MGST1: variants seen among roughly 807,000 people sequenced by gnomAD.
The protein encoded by MGST1 is microsomal glutathione S-transferase 1, also known as glutathione S-transferase 12.
A neutral mutation model predicts 8.9 loss-of-function variants in MGST1; 5 were observed. The observed-to-expected ratio is 0.56, with a 90% CI of 0.29 to 1.19. The LOEUF (loss-of-function observed/expected upper bound fraction) is 1.19. Ranked by LOEUF, MGST1 falls within the 50% of genes most tolerant of loss-of-function variation. The pLI is 0.08. For missense variants in MGST1, 182 were observed against 187.4 expected (o/e 0.97, Z 0.17); for synonymous variants, 54 against 67.8 (o/e 0.80, Z 1.00).
intron 4 of MGST1, among the ~76,000 whole-genome samples, chr12:16,519,101 G>A (rs1190078449): frequency 2.0e-5 from 3 of 152,150 alleles, no homozygotes; most frequent in Admixed American, 6.5e-5. Flanking sequence ...TTTGCATTCC[G>A]CTTTATTGCT....
rs1245796351 is a variant in MGST1 at position 16,389,816 on chromosome 12, A to G, written n.778+6212A>G. Among the ~76,000 whole-genome samples, 2 of 152,190 alleles carry G rather than the reference A, an allele frequency of 1.3e-5. No homozygotes were observed. The highest frequency in any genetic ancestry group is 2.9e-5 in the Non-Finnish European group (2 of 68,036). ...GGAGTGAGGCATGAGATCTCTCGGT[A>G]GAGGCAAAATAGAGTGATGAGAGCC... On this transcript the variant is annotated intron_variant and non_coding_transcript_variant, in intron 1 of 1. Coordinates refer to the MGST1 transcript ENST00000359720. This position sits in a 1 kb window ranked among gnomAD's most constrained non-coding sequence, Gnocchi z 4.6.
At chr12:16,394,499 TC>T (rs1940583601) in intron 1 of MGST1, among the ~76,000 whole-genome samples, 1 of 138,024 alleles carries the variant, frequency 7.2e-6, no homozygotes, top group Non-Finnish European at 1.5e-5. Flanking sequence ...TCTTTCTTTC[TC>T]TCTCTTTCTC....
chr12:16,351,274 AC>A (rs1211700974), intron 1 of MGST1, among the ~76,000 whole-genome samples: 2 of 152,146 alleles, frequency 1.3e-5, no homozygotes, highest in Admixed American at 1.3e-4. Flanking sequence ...TACTTTACCT[AC>A]ACTCTGAAGG....
downstream of MGST1, chr12:16,367,600 T>A (rs1177853581): frequency 6.6e-6 from 1 of 152,248 alleles, no homozygotes; most frequent in Non-Finnish European, 1.5e-5. Flanking sequence ...TGCTGTATGT[T>A]GGCTTGTGTG....
chr12:16,573,012 T>C lies in MGST1; in HGVS notation n.483-16516T>C, dbSNP rs372762810. Among the ~76,000 whole-genome samples the C allele has an allele frequency of 2.6e-5, 4 of 152,052 alleles. No individual in the cohort carries two copies. In the East Asian group the frequency reaches 7.7e-4, roughly 29 times the overall value. ...AGATTTTTTTAAAGGAGTGCAATTC[T>C]TAAAATTTTCCTGTTTTTATTATGT... On this transcript the variant is annotated intron_variant and non_coding_transcript_variant, in intron 4 of 4. Coordinates refer to the MGST1 transcript ENST00000538857.
At position 16,500,477 on chromosome 12, in the gene MGST1, C is replaced by T. The variant is rs942901232; in HGVS notation, n.483-89051C>T. Reference sequence around the variant, plus strand: ...AGATATTTAGATTACATTACATTTACAGTTTTATTTCATTTTGTAAAGTTT... The same window carrying T: ...AGATATTTAGATTACATTACATTTATAGTTTTATTTCATTTTGTAAAGTTT... On this transcript the variant is annotated intron_variant and non_coding_transcript_variant, in intron 4 of 4. Coordinates refer to the MGST1 transcript ENST00000538857. The surrounding 1 kb of genome is among the most constrained non-coding windows in gnomAD (Gnocchi z 4.3). Among the ~76,000 whole-genome samples the T allele has an allele frequency of 6.6e-6, 1 of 152,206 alleles. No individual in the cohort carries two copies. The highest frequency in any genetic ancestry group is 1.5e-5 in the Non-Finnish European group (1 of 68,038).
chr12:16,580,215 C>A (rs1442902842), intron 4 of MGST1, among the ~76,000 whole-genome samples: 1 of 152,184 alleles, frequency 6.6e-6, no homozygotes, highest in East Asian at 1.9e-4. Context: ...GTCCTCCCAC[C>A]TCAATCTCCC....
chr12:16,348,374 C>A (rs1250102871), intron 1 of MGST1, among the ~76,000 whole-genome samples: 3 of 152,150 alleles, frequency 2.0e-5, no homozygotes, highest in East Asian at 3.9e-4. Flanking sequence ...CTTCCCCAGT[C>A]TGGAGGAGGA....
chr12:16,393,886 A>T (rs1359716133), intron 1 of MGST1, among the ~76,000 whole-genome samples: 2 of 152,200 alleles, frequency 1.3e-5, no homozygotes, highest in African/African-American at 2.4e-5. Context: ...TTGTTTAGTA[A>T]TCTACTATAT....
In MGST1 at chr12:16,435,068, A is replaced by T. The variant is rs148812811; in HGVS notation, n.779-2320A>T. On this transcript the variant is annotated intron_variant and non_coding_transcript_variant, in intron 1 of 1. Coordinates refer to the MGST1 transcript ENST00000359720. Reference sequence around the variant, plus strand: ...TTTTAAACAAGAAGTTTGTTTTTTTAAAATATTCATTTCATATTTGTTGAA... The same window carrying T: ...TTTTAAACAAGAAGTTTGTTTTTTTTAAATATTCATTTCATATTTGTTGAA... Among the ~76,000 whole-genome samples the T allele has an allele frequency of 2.3e-3, 344 of 152,096 alleles. 1 individual carries two copies. The highest frequency in any genetic ancestry group is 7.9e-3 in the African/African-American group (329 of 41,536).
chr12:16,377,654 T>C (rs1179802544), downstream of MGST1, among the ~76,000 whole-genome samples: 1 of 152,210 alleles, frequency 6.6e-6, no homozygotes, highest in Non-Finnish European at 1.5e-5. Flanking sequence ...CCTTTGGGTA[T>C]ATACCCAGTA....
chr12:16,474,904 C>T (rs897315081), intron 4 of MGST1, among the ~76,000 whole-genome samples: 1 of 152,142 alleles, frequency 6.6e-6, no homozygotes, highest in Non-Finnish European at 1.5e-5. Flanking sequence ...ATAAAATGAA[C>T]ATAAGTATGA....
In MGST1 at chr12:16,589,339, T is replaced by G. The variant is rs904341842; in HGVS notation, n.483-189T>G. 7.9e-5 allele frequency among the ~76,000 whole-genome samples: 12 copies of G among 152,064 alleles called. No homozygotes were observed. Among genetic ancestry groups the G allele is most frequent in the Non-Finnish European group, 1.6e-4 (11 of 68,002 alleles). Reference sequence around the variant, plus strand: ...ATGTAGTAGAATAATGAGAAACACATGATGAGACATTTAAAATATACTGTA... The same window carrying G: ...ATGTAGTAGAATAATGAGAAACACAGGATGAGACATTTAAAATATACTGTA... On this transcript the variant is annotated intron_variant and non_coding_transcript_variant, in intron 4 of 4. Transcript: ENST00000538857. The surrounding 1 kb of genome is among the most constrained non-coding windows in gnomAD (Gnocchi z 4.2).
At chr12:16,577,890 T>C (rs1199629672) in intron 4 of MGST1, among the ~76,000 whole-genome samples, 1 of 152,234 alleles carries the variant, frequency 6.6e-6, no homozygotes, top group Non-Finnish European at 1.5e-5. Flanking sequence ...AGATTTAGGA[T>C]CACAAATTAT....
intron 1 of MGST1, chr12:16,402,433 C>G: frequency 6.2e-7 from 1 of 1,603,280 alleles, no homozygotes; most frequent in Non-Finnish European, 8.5e-7. Flanking sequence ...CCCTGGACGC[C>G]GCTTCTCCTC....
At chr12:16,423,255 C>T (rs531530911) in intron 1 of MGST1, among the ~76,000 whole-genome samples, 7 of 152,234 alleles carry the variant, frequency 4.6e-5, no homozygotes, top group South Asian at 2.1e-4. Context: ...TGTTGGCCCA[C>T]GTCCTCAACT....
At chr12:16,368,775 C>A (rs920646652), downstream of MGST1, among the ~76,000 whole-genome samples, 1 of 152,032 alleles carries the variant, frequency 6.6e-6, no homozygotes, top group African/African-American at 2.4e-5. Flanking sequence ...CCTGACAGCC[C>A]TGCATAAAAT....
intron 1 of MGST1, among the ~76,000 whole-genome samples, chr12:16,424,400 C>G (rs1020450219): frequency 1.3e-5 from 2 of 152,210 alleles, no homozygotes; most frequent in African/African-American, 4.8e-5. Flanking sequence ...TCAACTTTCT[C>G]TGCAAAATTG....
chr12:16,524,522 G>T (rs1941669998), intron 4 of MGST1, among the ~76,000 whole-genome samples: 1 of 151,984 alleles, frequency 6.6e-6, no homozygotes, highest in Non-Finnish European at 1.5e-5. Context: ...AAGTTCCCTG[G>T]TAGTGCTGAC....
Sources: gnomAD v4.1 joint callset for allele counts (sites outside exome capture counted in the v4.1 genomes callset) on GRCh38, gnomAD v4.1.1 for gene constraint, Gnocchi (gnomAD v3.1) non-coding constraint, MANE v1.5 for transcripts, NCBI Gene and HGNC (gene_info 2026-07-23, HGNC 2026-07-21) for gene names.